Variants in STK31 observed in about 807,000 individuals in gnomAD.
STK31 encodes serine/threonine kinase 31, also known as serine/threonine-protein kinase 31.
STK31 carries 89 observed loss-of-function variants against 129.7 expected under a neutral mutation model. The ratio of observed to expected loss-of-function variants is 0.69; its 90% CI spans 0.58 to 0.82. The LOEUF is 0.82. STK31 is among the 40% of genes least tolerant of loss of function. The probability of loss-of-function intolerance (pLI) is 0.00; values close to 1 mark genes in which losing one functional copy is unlikely to be tolerated. For missense variants in STK31, 1,187 were observed against 1,176.4 expected (o/e 1.01, Z -0.13); for synonymous variants, 448 against 395.3 (o/e 1.13, Z -1.58).
At chr7:23,773,730 T>TGA (rs1790346905) in intron 15 of STK31, among the ~76,000 whole-genome samples, 1 of 95,980 alleles carries the variant, frequency 1.0e-5, no homozygotes, top group South Asian at 2.7e-4. Flanking sequence ...TGTGTGTGTG[T>TGA]GTGAGTGTGT....
intron 16 of STK31, among the ~76,000 whole-genome samples, chr7:23,783,318 T>C (rs1791048940): frequency 6.6e-6 from 1 of 152,206 alleles, no homozygotes; most frequent in African/African-American, 2.4e-5. Flanking sequence ...CTCGTCTGCC[T>C]GTTAAGCTAG....
chr7:23,720,640 C>A (rs1395116351), intron 4 of STK31, among the ~76,000 whole-genome samples: 2 of 152,136 alleles, frequency 1.3e-5, no homozygotes, highest in African/African-American at 4.8e-5. Context: ...TGTATACTTT[C>A]TATTTTAATA....
chr7:23,796,595 T>C (rs1314259240), intron 22 of STK31, among the ~76,000 whole-genome samples: 2 of 152,186 alleles, frequency 1.3e-5, no homozygotes, highest in Non-Finnish European at 2.9e-5. Context: ...TATAGATTAG[T>C]GTAATAACCA....
At position 23,788,019 on chromosome 7, in the gene STK31, C is replaced by T. The variant is rs1418251033; in HGVS notation, c.2527C>T (p.His843Tyr). The T allele has an allele frequency of 3.7e-6, 6 of 1,609,430 alleles. No individual in the cohort carries two copies. Among genetic ancestry groups the T allele is most frequent in the Non-Finnish European group, 5.1e-6 (6 of 1,177,820 alleles). Residue 843 changes from histidine to tyrosine, a missense_variant, in exon 21 of 24, where the codon CAT becomes TAT. Physicochemically the swap from His to Tyr is moderately conservative, Grantham distance 83. Transcript: ENST00000355870. ...CATGAAAGGTGTTGCCCAGGGTCTG[C>T]ATACATTGCATAAGGCTGACATAAT... is the stretch of plus-strand genomic sequence containing the variant. ...KVMKGVAQGLHTLHKADIIHG... is the reference protein window; with the variant it reads ...KVMKGVAQGLYTLHKADIIHG...
intron 22 of STK31, among the ~76,000 whole-genome samples, chr7:23,806,523 A>G (rs1344542559): frequency 6.6e-6 from 1 of 152,200 alleles, no homozygotes; most frequent in Non-Finnish European, 1.5e-5. Flanking sequence ...CTTAAAATCT[A>G]GAGGTTTTAT....
intron 23 of STK31, among the ~76,000 whole-genome samples, chr7:23,829,004 G>T (rs1307977861): frequency 6.6e-6 from 1 of 151,708 alleles, no homozygotes; most frequent in Non-Finnish European, 1.5e-5. Context: ...GGTTCAAGCA[G>T]TTCTCTTGCC....
chr7:23,744,735 C>T (rs1788246818), intron 8 of STK31, among the ~76,000 whole-genome samples: 1 of 152,156 alleles, frequency 6.6e-6, no homozygotes, highest in South Asian at 2.1e-4. Context: ...TTGTGATTTC[C>T]TCAATGGCTT....
intron 10 of STK31, among the ~76,000 whole-genome samples, chr7:23,758,401 T>A (rs1309550734): frequency 6.6e-6 from 1 of 152,170 alleles, no homozygotes; most frequent in Non-Finnish European, 1.5e-5. Flanking sequence ...GTTACTTTTT[T>A]TAAAAAACAG....
Position 23,762,795 on chromosome 7 carries a change from C to T in STK31, c.1294-6C>T. 6.2e-7 allele frequency: 1 copy of T among 1,606,712 alleles called. No homozygotes were observed. The highest frequency in any genetic ancestry group is 1.1e-5 in the South Asian group (1 of 89,004). ...AATGATGGTTATTCTTTTTTTCTTC[C>T]TCCAGAGTGAAGGGAATATTTTGAT... On this transcript the variant is annotated splice_region_variant and splice_polypyrimidine_tract_variant and intron_variant, in intron 10 of 23. Coordinates refer to ENST00000355870, the MANE Select transcript of STK31 (RefSeq NM_031414.5).
At chr7:23,797,108 C>G (rs889953944) in intron 22 of STK31, among the ~76,000 whole-genome samples, 15 of 152,234 alleles carry the variant, frequency 9.9e-5, no homozygotes, top group Middle Eastern at 3.4e-3. Context: ...CACCAAGATT[C>G]ATAAAGCAAG....
intron 23 of STK31, among the ~76,000 whole-genome samples, chr7:23,824,444 A>AT (rs1477089376): frequency 1.3e-5 from 2 of 152,148 alleles, no homozygotes; most frequent in African/African-American, 4.8e-5. Context: ...TTGCACATTG[A>AT]TTTTGTATCC....
At chr7:23,821,729 G>C (rs548211335) in intron 23 of STK31, among the ~76,000 whole-genome samples, 3 of 152,098 alleles carry the variant, frequency 2.0e-5, no homozygotes, top group Non-Finnish European at 4.4e-5. Context: ...TCTTTGCCTA[G>C]GCCAATGTCA....
chr7:23,816,160 T>A (rs921410432), intron 23 of STK31, among the ~76,000 whole-genome samples: 1 of 152,070 alleles, frequency 6.6e-6, no homozygotes, highest in African/African-American at 2.4e-5. Flanking sequence ...ACAACTTTTG[T>A]GAGATTATAA....
At chr7:23,832,032 C>T in intron 23 of STK31, 104 bp from the exon 24 acceptor site, 2 of 767,722 alleles carry the variant, frequency 2.6e-6, no homozygotes, top group South Asian at 1.8e-5. Flanking sequence ...TCTTGAAACC[C>T]CTCCTTCCTG....
intron 3 of STK31, among the ~76,000 whole-genome samples, chr7:23,715,894 G>T (rs1477124913): frequency 6.6e-6 from 1 of 151,950 alleles, no homozygotes. Flanking sequence ...AAGAAACTTT[G>T]ACTTACAGGA....
intron 23 of STK31, among the ~76,000 whole-genome samples, chr7:23,816,302 A>G (rs999409094): frequency 6.6e-6 from 1 of 152,226 alleles, no homozygotes; most frequent in Non-Finnish European, 1.5e-5. Context: ...GAAATTCTGT[A>G]TTAGAGGTTA....
At chr7:23,749,033 A>G (rs1263421728) in intron 8 of STK31, among the ~76,000 whole-genome samples, 2 of 152,134 alleles carry the variant, frequency 1.3e-5, no homozygotes, top group Non-Finnish European at 2.9e-5. Flanking sequence ...TCCATGCTAG[A>G]TCTGTCCACC....
intron 23 of STK31, among the ~76,000 whole-genome samples, chr7:23,830,315 C>A (rs1227807477): frequency 6.6e-6 from 1 of 151,718 alleles, no homozygotes; most frequent in African/African-American, 2.4e-5. Context: ...CGTTATTCTT[C>A]GTTTTCTACT....
At position 23,710,346 on chromosome 7, in the gene STK31, GT is replaced by G. The variant is rs1479206576; in HGVS notation, c.50+16del. The G allele has an allele frequency of 1.2e-6, 2 of 1,613,500 alleles. No homozygotes were observed. The highest frequency in any genetic ancestry group is 3.3e-5 in the Admixed American group (2 of 60,034). On this transcript the variant is annotated intron_variant, in intron 1 of 23. Transcript: ENST00000355870. ...AACGGAAAGTGTGAGGTCAGTAGTA[GT>G]TTTTGTGGTACGTGCAGTGGTGGCC...
Sources: gnomAD v4.1 joint callset for allele counts (sites outside exome capture counted in the v4.1 genomes callset) on GRCh38, gnomAD v4.1.1 for gene constraint, MANE v1.5 for transcripts, NCBI Gene and HGNC (gene_info 2026-07-23, HGNC 2026-07-21) for gene names.